The following FAM228B variants were observed in gnomAD, a reference collection of about 807,000 sequenced individuals.
FAM228B encodes family with sequence similarity 228 member B, also known as protein FAM228B.
In FAM228B, 38 loss-of-function variants were observed where a neutral mutation model predicts 42.6. That is an observed-to-expected ratio of 0.89 (90% CI 0.69 to 1.17). The LOEUF (loss-of-function observed/expected upper bound fraction) is 1.17. FAM228B is among the 50% of genes most tolerant of loss of function. The pLI, the probability that FAM228B is intolerant of heterozygous loss-of-function variation, is 0.00. For missense variants in FAM228B, 344 were observed against 367.3 expected (o/e 0.94, Z 0.52); for synonymous variants, 109 against 122.3 (o/e 0.89, Z 0.72).
intron 3 of FAM228B, among the ~76,000 whole-genome samples, chr2:24,097,730 A>C (rs1247621593): frequency 3.3e-5 from 5 of 152,224 alleles, no homozygotes; most frequent in Admixed American, 6.5e-5. Context: ...TCAACGAGAC[A>C]GAAGGTTAAC....
At chr2:24,138,220 T>C (rs1318709704) in intron 4 of FAM228B, 120 bp downstream of exon 4, 1 of 683,920 alleles carries the variant, frequency 1.5e-6, no homozygotes, top group African/African-American at 1.9e-5. Flanking sequence ...ATCTATACCC[T>C]GTTACATAAT....
upstream of FAM228B, chr2:24,119,499 A>G (rs1666027760): frequency 6.8e-6 from 7 of 1,025,918 alleles, no homozygotes; most frequent in East Asian, 1.7e-4. Context: ...AGCTGGTTTG[A>G]GTTGGATCTC....
rs568944024 is a variant in FAM228B, at chr2:24,137,830, T to C, written c.169-79T>C. ...TATTCTTAGGAGTAATTTAAACTTATGAAGTTTAAGTTTTGGAAAATTTTA... is the reference window on the plus strand; with the variant it reads ...TATTCTTAGGAGTAATTTAAACTTACGAAGTTTAAGTTTTGGAAAATTTTA... On this transcript the variant is annotated intron_variant, in intron 3 of 10. Coordinates refer to ENST00000615575, the MANE Select transcript of FAM228B (RefSeq NM_001145710.2). 54 of 914,890 alleles carry C rather than the reference T, an allele frequency of 5.9e-5. No homozygotes were observed. The South Asian group carries it at 8.0e-4, about 14-fold the overall frequency. 56.7% of individuals were successfully genotyped at this position (914,890 alleles called of 1,614,324 possible).
chr2:24,122,458 G>T, upstream of FAM228B: 1 of 1,614,086 alleles, frequency 6.2e-7, no homozygotes, highest in Non-Finnish European at 8.5e-7. Context: ...TCCGCTCCTG[G>T]ATTTTGATGA....
chr2:24,084,457 TG>T lies in FAM228B; in HGVS notation c.-210+3504del. ...CTCGCGGAGCAGCCCAGCCTCAGGC[TG>T]GCACCGCAGCGCCCCCTGCCGGCCA... On this transcript the variant is annotated intron_variant, in intron 2 of 10. Transcript: ENST00000613899. The surrounding 1 kb of genome is among the most constrained non-coding windows in gnomAD (Gnocchi z 8.4). The T allele has an allele frequency of 8.3e-7, 1 of 1,206,726 alleles. No individual in the cohort carries two copies. Among genetic ancestry groups the T allele is most frequent in the Non-Finnish European group, 1.1e-6 (1 of 916,984 alleles). 74.8% of individuals were successfully genotyped at this position (1,206,726 alleles called of 1,614,324 possible). A position where few individuals can be genotyped will look rare whatever the true frequency, so the allele number is the denominator to read the frequency against.
At chr2:24,090,562 C>CAAAAAAA (rs58611623) in intron 2 of FAM228B, among the ~76,000 whole-genome samples, 5 of 81,632 alleles carry the variant, frequency 6.1e-5, no homozygotes, top group South Asian at 4.3e-4. Flanking sequence ...CCTCCCATCT[C>CAAAAAAA]AAAAAAAAAA....
In FAM228B at chr2:24,084,390, A is replaced by ACAGGG. The variant is rs3030953; in HGVS notation, c.-210+3445_-210+3449dup. On this transcript the variant is annotated intron_variant, in intron 2 of 10. Coordinates refer to the FAM228B transcript ENST00000613899. This position sits in a 1 kb window ranked among gnomAD's most constrained non-coding sequence, Gnocchi z 8.4. The stretch of plus-strand genomic sequence containing the variant: ...ACAGGGCAGGGCAGGGCAGGACAGG[A>ACAGGG]CAGGGCAGGGCAGGACAGGACAGGG... 0.087 allele frequency: 100,465 copies of ACAGGG among 1,159,540 alleles called. 9,488 individuals are homozygous for ACAGGG. The highest frequency in any genetic ancestry group is 0.15 in the South Asian group (9,723 of 64,916). The allele number at this position is 1,159,540 out of a possible 1,614,324, so 71.8% of individuals were successfully genotyped here.
intron 3 of FAM228B, among the ~76,000 whole-genome samples, chr2:24,116,289 C>T (rs1051824336): frequency 5.3e-5 from 8 of 151,966 alleles, no homozygotes; most frequent in Admixed American, 6.6e-5. Flanking sequence ...CATCCCACCA[C>T]AGCACTCCAG....
At chr2:24,129,734 A>G (rs1019159997) in intron 2 of FAM228B, among the ~76,000 whole-genome samples, 2 of 152,180 alleles carry the variant, frequency 1.3e-5, no homozygotes, top group Non-Finnish European at 2.9e-5. Flanking sequence ...ATTTTTAAGC[A>G]TAGCTATCAT....
chr2:24,117,400 ATCTT>A (rs988413624), intron 3 of FAM228B, among the ~76,000 whole-genome samples: 3 of 150,872 alleles, frequency 2.0e-5, no homozygotes, highest in Non-Finnish European at 4.4e-5. Flanking sequence ...TGCCCCTAGA[ATCTT>A]TCATAATACA....
rs750117102 is a variant in FAM228B at position 24,077,702 on chromosome 2, C to T, written c.-290+733C>T. The T allele has an allele frequency of 6.2e-7, 1 of 1,614,080 alleles. No individual in the cohort carries two copies. The highest frequency in any genetic ancestry group is 8.5e-7 in the Non-Finnish European group (1 of 1,179,986). ...GAACCGGCAGCAGACGTTGGGGGCC[C>T]TCCGTGGAGAAGTGAGGCAGAATTT... On this transcript the variant is annotated intron_variant, in intron 1 of 10. Coordinates refer to the FAM228B transcript ENST00000613899. The surrounding 1 kb of genome is among the most constrained non-coding windows in gnomAD (Gnocchi z 5.5).
chr2:24,093,265 T>G (rs1388106246), intron 2 of FAM228B, among the ~76,000 whole-genome samples: 1 of 152,158 alleles, frequency 6.6e-6, no homozygotes, highest in Non-Finnish European at 1.5e-5. Flanking sequence ...AAGCCCCTCA[T>G]GCATCAGGTG....
In FAM228B at chr2:24,084,703, G is replaced by C. The variant is rs1665183181; in HGVS notation, c.-210+3748G>C. On this transcript the variant is annotated intron_variant, in intron 2 of 10. Transcript: ENST00000613899. This position sits in a 1 kb window ranked among gnomAD's most constrained non-coding sequence, Gnocchi z 8.4. ...GTTGGAAGCCCCCAGCCCGACCCGG[G>C]TCCCCGGCGCCCGTATGAGTTACTT... 1 of 175,702 alleles carries C rather than the reference G, an allele frequency of 5.7e-6. No individual in the cohort carries two copies. 10.9% of individuals were successfully genotyped at this position (175,702 alleles called of 1,614,324 possible). A position where few individuals can be genotyped will look rare whatever the true frequency, so the allele number is the denominator to read the frequency against.
intron 2 of FAM228B, among the ~76,000 whole-genome samples, chr2:24,090,520 C>G (rs1665366893): frequency 6.7e-6 from 1 of 148,172 alleles, no homozygotes; most frequent in Non-Finnish European, 1.5e-5. Context: ...TGTGATTGCA[C>G]CACTGCACTC....
chr2:24,084,355 G>GCAGGA lies in FAM228B; in HGVS notation c.-210+3410_-210+3414dup, dbSNP rs756826462. 31 of 1,376,014 alleles carry GCAGGA rather than the reference G, an allele frequency of 2.3e-5. No individual in the cohort carries two copies. The East Asian group carries it at 2.8e-4, about 13-fold the overall frequency. 85.2% of individuals were successfully genotyped at this position (1,376,014 alleles called of 1,614,324 possible). A position where few individuals can be genotyped will look rare whatever the true frequency, so the allele number is the denominator to read the frequency against. ...GTCTGAGGACACAGGGCAGGGCAGG[G>GCAGGA]CAGGACAGGACAGGGCAGGGCAGGG... On this transcript the variant is annotated intron_variant, in intron 2 of 10. Transcript: ENST00000613899. The surrounding 1 kb of genome is among the most constrained non-coding windows in gnomAD (Gnocchi z 8.4).
At position 24,155,531 on chromosome 2, in the gene FAM228B, A is replaced by ATTTT. The variant is rs70944720; in HGVS notation, c.687-5952_687-5949dup. Reference sequence around the variant, plus strand: ...TATATATATATATATATATATATATATTTTTTTTTTTTTTTTTTTTTTTTT... The same window carrying ATTTT: ...TATATATATATATATATATATATATATTTTTTTTTTTTTTTTTTTTTTTTTTTTT... On this transcript the variant is annotated intron_variant, in intron 7 of 10. Coordinates refer to ENST00000615575, the MANE Select transcript of FAM228B (RefSeq NM_001145710.2). 2.3e-3 allele frequency among the ~76,000 whole-genome samples: 30 copies of ATTTT among 13,042 alleles called. 2 individuals carry two copies. Among genetic ancestry groups the ATTTT allele is most frequent in the African/African-American group, 4.3e-3 (20 of 4,626 alleles). The allele number at this position is 13,042 out of a possible 152,430, so 8.6% of individuals were successfully genotyped here.
At position 24,084,016 on chromosome 2, in the gene FAM228B, T is replaced by C. The variant is rs1665136222; in HGVS notation, c.-210+3061T>C. Among the ~76,000 whole-genome samples the C allele has an allele frequency of 6.6e-6, 1 of 152,148 alleles. No individual in the cohort carries two copies. The highest frequency in any genetic ancestry group is 2.1e-4 in the South Asian group (1 of 4,828). On this transcript the variant is annotated intron_variant, in intron 2 of 10. Transcript: ENST00000613899. The surrounding 1 kb of genome is among the most constrained non-coding windows in gnomAD (Gnocchi z 8.4). ...ATTCTGCTTTACAAGTACTCCCCCT[T>C]GTTTTGCATGAACAAAGAGGGCGCC...
intron 2 of FAM228B, among the ~76,000 whole-genome samples, chr2:24,131,788 G>A (rs917127214): frequency 6.6e-6 from 1 of 152,176 alleles, no homozygotes; most frequent in Non-Finnish European, 1.5e-5. Context: ...GAGACAATTT[G>A]ACTTCATCTC....
upstream of FAM228B, chr2:24,122,572 C>T (rs533963562): frequency 1.7e-5 from 24 of 1,423,464 alleles, no homozygotes; most frequent in South Asian, 2.3e-4. Context: ...GCAGTTGAAG[C>T]CATTGACTCT....
Sources: gnomAD v4.1 joint callset for allele counts (sites outside exome capture counted in the v4.1 genomes callset) on GRCh38, gnomAD v4.1.1 for gene constraint, Gnocchi (gnomAD v3.1) non-coding constraint, MANE v1.5 for transcripts, NCBI Gene and HGNC (gene_info 2026-07-23, HGNC 2026-07-21) for gene names.